Variants in ZFPM1 observed in about 807,000 individuals in gnomAD.
ZFPM1 encodes the protein zinc finger protein, FOG family member 1.
Under a neutral mutation model 46.3 loss-of-function variants are expected in ZFPM1, and 28 were observed. That is an observed-to-expected ratio of 0.60 (90% CI 0.45 to 0.83). The LOEUF (loss-of-function observed/expected upper bound fraction) is 0.83, where lower values mean the gene tolerates loss of function less well. Ranked by LOEUF, ZFPM1 falls within the 40% of genes least tolerant of loss-of-function variation. The pLI is 0.00. For missense variants in ZFPM1, 1,878 were observed against 1,432.4 expected (o/e 1.31, Z -5.02); for synonymous variants, 957 against 675.9 (o/e 1.42, Z -6.45).
At chr16:88,459,482 C>T (rs189365883) in intron 1 of ZFPM1, among the ~76,000 whole-genome samples, 17 of 152,176 alleles carry the variant, frequency 1.1e-4, no homozygotes, top group African/African-American at 4.1e-4. Flanking sequence ...AAGGAAAATA[C>T]CTGTTATCCG....
chr16:88,466,435 G>T (rs2142348416), intron 1 of ZFPM1, among the ~76,000 whole-genome samples: 1 of 152,342 alleles, frequency 6.6e-6, no homozygotes, highest in East Asian at 1.9e-4. Context: ...TCTAGCCGAG[G>T]TCAGAGTCTC....
At chr16:88,530,898 G>A (rs1369248337) in intron 6 of ZFPM1, 1 of 152,288 alleles carries the variant, frequency 6.6e-6, no homozygotes, top group Non-Finnish European at 1.5e-5. Context: ...AAAGTCGTTA[G>A]AACAGCGAGG....
chr16:88,485,995 A>G lies in ZFPM1; in HGVS notation c.97A>G (p.Met33Val), dbSNP rs774016833. 10 of 1,612,932 alleles carry G rather than the reference A, an allele frequency of 6.2e-6. No homozygotes were observed. The highest frequency in any genetic ancestry group is 1.7e-5 in the Admixed American group (1 of 60,020). The change falls in exon 2 of 10, where the codon ATG becomes GTG. Residue 33 changes from methionine (M) to valine (V), a missense_variant. By Grantham distance (21) the Met-to-Val change is conservative. Coordinates refer to ENST00000319555, the MANE Select transcript of ZFPM1 (RefSeq NM_153813.3). ...EEVQLVGASH[M>V]EQKATAPEAP... ...GGTGCAGTTGGTGGGTGCCAGCCAC[A>G]TGGAGCAAAAGGCCACGGCACCTGA...
At position 88,453,591 on chromosome 16, in the gene ZFPM1, C is replaced by T. The variant is rs1251903939; in HGVS notation, c.-48C>T. ...CGCGCCCCCGCCGCCCGCCGCCGCC[C>T]GCCCGGGGCTAGAGGCGGCCGCCGG... On this transcript the variant is annotated 5_prime_UTR_variant, in exon 1 of 10. Coordinates refer to ENST00000319555, the MANE Select transcript of ZFPM1 (RefSeq NM_153813.3). The T allele has an allele frequency of 2.0e-6, 2 of 992,424 alleles. No homozygotes were observed. The highest frequency in any genetic ancestry group is 3.5e-5 in the African/African-American group (2 of 56,522). 61.5% of individuals were successfully genotyped at this position (992,424 alleles called of 1,614,324 possible).
intron 1 of ZFPM1, among the ~76,000 whole-genome samples, chr16:88,472,354 CTTT>C (rs761646874): frequency 3.0e-5 from 4 of 133,364 alleles, no homozygotes; most frequent in Non-Finnish European, 6.5e-5. Context: ...TTTGAATTTT[CTTT>C]TTTTTTTTTT....
At chr16:88,511,161 G>A (rs955739898) in intron 3 of ZFPM1, among the ~76,000 whole-genome samples, 7 of 152,188 alleles carry the variant, frequency 4.6e-5, no homozygotes, top group African/African-American at 7.2e-5. Flanking sequence ...TGACAGGCCC[G>A]CCCTCAGAGC....
At chr16:88,478,211 C>T (rs1023884177) in intron 1 of ZFPM1, among the ~76,000 whole-genome samples, 23 of 152,208 alleles carry the variant, frequency 1.5e-4, no homozygotes, top group Non-Finnish European at 2.4e-4. Flanking sequence ...CAGCCTGCCA[C>T]GACTCTCTGG....
chr16:88,493,100 CGGGG>C (rs1909685584), intron 3 of ZFPM1, among the ~76,000 whole-genome samples: 1 of 113,760 alleles, frequency 8.8e-6, no homozygotes, highest in African/African-American at 3.5e-5. Context: ...TCCCGGGGTG[CGGGG>C]AGCTGTCCCG....
rs771129703 is a variant in ZFPM1 at position 88,528,257 on chromosome 16, G to A, written c.712+19G>A. The A allele has an allele frequency of 1.3e-5, 20 of 1,572,210 alleles. No individual in the cohort carries two copies. Among genetic ancestry groups the A allele is most frequent in the Middle Eastern group, 2.2e-4 (1 of 4,554 alleles). On this transcript the variant is annotated intron_variant, in intron 6 of 9. Transcript: ENST00000319555. ...ATCAACAGTAAGTGCTGGGCTCTCC[G>A]CACCCAGGGCGGCTGCTCCACCAAG...
intron 3 of ZFPM1, among the ~76,000 whole-genome samples, chr16:88,501,126 G>GGTGCGGGGCC (rs1567540949): frequency 6.9e-6 from 1 of 145,476 alleles, no homozygotes; most frequent in African/African-American, 2.6e-5. Flanking sequence ...AGCAGACATG[G>GGTGCGGGGCC]ATGCGGGGGC....
chr16:88,483,659 C>T (rs1197839406), intron 1 of ZFPM1, among the ~76,000 whole-genome samples: 1 of 152,244 alleles, frequency 6.6e-6, no homozygotes, highest in Non-Finnish European at 1.5e-5. Context: ...ACTGTCCCCA[C>T]AGTGGCCCGG....
At chr16:88,460,523 CAG>C (rs1466305363) in intron 1 of ZFPM1, among the ~76,000 whole-genome samples, 1 of 152,206 alleles carries the variant, frequency 6.6e-6, no homozygotes, top group African/African-American at 2.4e-5. Flanking sequence ...GAGGAAGAAA[CAG>C]GGGAGATGGT....
rs74032888 is a variant in ZFPM1 at position 88,476,674 on chromosome 16, A to G, written c.41-9265A>G. On this transcript the variant is annotated intron_variant, in intron 1 of 9. Transcript: ENST00000319555. ...GGGCTGCTTAGTGAACATGACCACA[A>G]GGCCAAGTGTGGCTGGGGAGGCAGG... Among the ~76,000 whole-genome samples the G allele has an allele frequency of 1.1e-3, 160 of 152,276 alleles. 1 individual carries two copies. Among genetic ancestry groups the G allele is most frequent in the African/African-American group, 3.5e-3 (147 of 41,542 alleles).
intron 1 of ZFPM1, among the ~76,000 whole-genome samples, chr16:88,457,815 T>G (rs973789888): frequency 1.3e-5 from 2 of 152,012 alleles, no homozygotes; most frequent in African/African-American, 4.8e-5. Flanking sequence ...GCAGAGGGAA[T>G]TAGAGATCGG....
chr16:88,456,616 G>A (rs1457433850), intron 1 of ZFPM1, among the ~76,000 whole-genome samples: 1 of 152,192 alleles, frequency 6.6e-6, no homozygotes. Context: ...TTGGAAGGGG[G>A]TGACCTTTGG....
At position 88,533,046 on chromosome 16, in the gene ZFPM1, A is replaced by G. The variant is rs1597290348; in HGVS notation, c.1190-102A>G. On this transcript the variant is annotated intron_variant, in intron 9 of 9. Coordinates refer to ENST00000319555, the MANE Select transcript of ZFPM1 (RefSeq NM_153813.3). ...GGGTCCGTTTCAGCCTTCGCTCTAA[A>G]CCACTCCCGCCCACCCCTCCCCTTC... 8.0e-6 allele frequency: 12 copies of G among 1,496,726 alleles called. No individual in the cohort carries two copies. In the South Asian group the frequency reaches 1.4e-4, roughly 18 times the overall value. 92.7% of individuals were successfully genotyped at this position (1,496,726 alleles called of 1,614,324 possible). A position where few individuals can be genotyped will look rare whatever the true frequency, so the allele number is the denominator to read the frequency against.
chr16:88,485,797 C>A lies in ZFPM1; in HGVS notation c.41-142C>A. 8.9e-6 allele frequency: 6 copies of A among 675,876 alleles called. 1 individual carries two copies. The South Asian group carries it at 1.1e-4, about 13-fold the overall frequency. The allele number at this position is 675,876 out of a possible 1,614,324, so 41.9% of individuals were successfully genotyped here. Reference sequence around the variant, plus strand: ...AGCTAACAGCCACCTGTCCTTTGACCTCAGGGTGAGGGATGACCCTCACCC... The same window carrying A: ...AGCTAACAGCCACCTGTCCTTTGACATCAGGGTGAGGGATGACCCTCACCC... On this transcript the variant is annotated intron_variant, in intron 1 of 9. Coordinates refer to ENST00000319555, the MANE Select transcript of ZFPM1 (RefSeq NM_153813.3).
intron 1 of ZFPM1, among the ~76,000 whole-genome samples, chr16:88,460,931 A>AGACCTGGTGAGGACCCAGG (rs1567525336): frequency 5.5e-5 from 3 of 55,024 alleles, no homozygotes; most frequent in African/African-American, 2.3e-4. Flanking sequence ...GCGGGGCGGG[A>AGACCTGGTGAGGACCCAGG]GGCCTGGTGA....
rs531677180 is a variant in ZFPM1 at position 88,497,637 on chromosome 16, G to T, written c.268+8484G>T. On this transcript the variant is annotated intron_variant, in intron 3 of 9. Coordinates refer to ENST00000319555, the MANE Select transcript of ZFPM1 (RefSeq NM_153813.3). The surrounding 1 kb of genome is among the most constrained non-coding windows in gnomAD (Gnocchi z 5.4). ...ATGGGTACCCTGAAGGGTTTTGTGGGGGGTGTTCGTGCCGTGAGCGATCCG... is the reference window on the plus strand; with the variant it reads ...ATGGGTACCCTGAAGGGTTTTGTGGTGGGTGTTCGTGCCGTGAGCGATCCG... Among the ~76,000 whole-genome samples the T allele has an allele frequency of 6.6e-6, 1 of 152,140 alleles. No individual in the cohort carries two copies. The highest frequency in any genetic ancestry group is 6.5e-5 in the Admixed American group (1 of 15,280).
Sources: allele counts gnomAD v4.1 joint callset (sites outside exome capture counted in the v4.1 genomes callset), GRCh38; gene constraint gnomAD v4.1.1; non-coding constraint Gnocchi (gnomAD v3.1); transcripts MANE v1.5; gene names NCBI Gene and HGNC (gene_info 2026-07-23, HGNC 2026-07-21).